Variants in GPR39 observed in about 807,000 individuals in gnomAD.
GPR39 encodes zinc sensing receptor.
Under a neutral mutation model 18.4 loss-of-function variants are expected in GPR39, and 23 were observed. That is an observed-to-expected ratio of 1.25 (90% CI 0.90 to 1.77). The LOEUF (loss-of-function observed/expected upper bound fraction) is 1.77. Among genes scored for constraint, GPR39 ranks in the 40% most tolerant of loss-of-function variants. The pLI is 0.00. For missense variants in GPR39, 647 were observed against 602.4 expected (o/e 1.07, Z -0.78); for synonymous variants, 280 against 257.9 (o/e 1.09, Z -0.82).
intron 1 of GPR39, among the ~76,000 whole-genome samples, chr2:132,563,712 TC>T (rs758661225): frequency 3.3e-4 from 50 of 152,310 alleles, no homozygotes; most frequent in Non-Finnish European, 5.1e-4. Context: ...CAGGCCTTAC[TC>T]CAAGCCAATT....
At chr2:132,588,698 G>A (rs573926548) in intron 1 of GPR39, among the ~76,000 whole-genome samples, 1 of 152,280 alleles carries the variant, frequency 6.6e-6, no homozygotes, top group South Asian at 2.1e-4. Flanking sequence ...ATGTTCCAGT[G>A]AACAAGGAAG....
At chr2:132,587,325 T>C (rs1680746565) in intron 1 of GPR39, among the ~76,000 whole-genome samples, 1 of 152,216 alleles carries the variant, frequency 6.6e-6, no homozygotes, top group Admixed American at 6.5e-5. Flanking sequence ...TCGCCATTTC[T>C]CCAGTTATTT....
At chr2:132,636,647 G>T (rs1419850493) in intron 1 of GPR39, among the ~76,000 whole-genome samples, 2 of 152,170 alleles carry the variant, frequency 1.3e-5, no homozygotes, top group Non-Finnish European at 1.5e-5. Flanking sequence ...ACTTCTCTGG[G>T]GATTCTGCTA....
chr2:132,434,197 G>A (rs1455680078), intron 1 of GPR39, among the ~76,000 whole-genome samples: 4 of 152,134 alleles, frequency 2.6e-5, no homozygotes, highest in Non-Finnish European at 1.5e-5. Context: ...AGAGAAGTGA[G>A]CATCAAGATT....
intron 1 of GPR39, among the ~76,000 whole-genome samples, chr2:132,513,737 G>A (rs541858381): frequency 6.6e-6 from 1 of 152,082 alleles, no homozygotes; most frequent in Admixed American, 6.5e-5. Context: ...TTTTTAGATG[G>A]GGTCACTCTG....
intron 1 of GPR39, among the ~76,000 whole-genome samples, chr2:132,425,260 A>G (rs1680096892): frequency 6.6e-6 from 1 of 152,156 alleles, no homozygotes; most frequent in Non-Finnish European, 1.5e-5. Flanking sequence ...CATCTTAGAC[A>G]TTTCTCAGAA....
chr2:132,634,102 GTGA>G (rs1681705012), intron 1 of GPR39, among the ~76,000 whole-genome samples: 2 of 144,890 alleles, frequency 1.4e-5, no homozygotes, highest in Non-Finnish European at 2.9e-5. Context: ...GTGATGGAGG[GTGA>G]TGATGATGGT....
chr2:132,500,708 C>T (rs1679013253), intron 1 of GPR39, among the ~76,000 whole-genome samples: 2 of 152,040 alleles, frequency 1.3e-5, no homozygotes, highest in African/African-American at 4.8e-5. Context: ...CTATCTAGTC[C>T]TGGACTTTTT....
intron 1 of GPR39, among the ~76,000 whole-genome samples, chr2:132,534,061 C>A (rs1360591340): frequency 6.6e-6 from 1 of 152,146 alleles, no homozygotes; most frequent in Non-Finnish European, 1.5e-5. Context: ...AGACAACCTA[C>A]AGAATGGGAG....
At chr2:132,437,458 G>A (rs928224689) in intron 1 of GPR39, among the ~76,000 whole-genome samples, 3 of 152,150 alleles carry the variant, frequency 2.0e-5, no homozygotes, top group Non-Finnish European at 4.4e-5. Flanking sequence ...GGGTCGTGGA[G>A]ACCAGAATGT....
At chr2:132,598,578 G>C (rs1224755711) in intron 1 of GPR39, among the ~76,000 whole-genome samples, 3 of 151,910 alleles carry the variant, frequency 2.0e-5, no homozygotes, top group Non-Finnish European at 2.9e-5. Flanking sequence ...CCTTGTTCTA[G>C]AGTTTAGGTT....
chr2:132,433,389 C>T (rs760337465), intron 1 of GPR39, among the ~76,000 whole-genome samples: 66 of 152,062 alleles, frequency 4.3e-4, no homozygotes, highest in African/African-American at 5.8e-4. Context: ...CTCTGTGTGA[C>T]GCTAATCATC....
In GPR39 at chr2:132,645,199, T is replaced by TG; in HGVS notation, c.955_956insG (p.Phe319CysfsTer88). On this transcript the variant is annotated frameshift_variant, in exon 2 of 2. Coordinates refer to ENST00000329321, the MANE Select transcript of GPR39 (RefSeq NM_001508.3). LOFTEE classifies it low-confidence loss of function (END_TRUNC). ...CAAGCACGACTGGACGAGGTCCTAC[T>TG]TCCGGGCGTACATGATCCTCCTCCC... 6.2e-7 allele frequency: 1 copy of TG among 1,614,188 alleles called. No homozygotes were observed. Among genetic ancestry groups the TG allele is most frequent in the Non-Finnish European group, 8.5e-7 (1 of 1,180,034 alleles).
At position 132,646,234 on chromosome 2, in the gene GPR39, G is replaced by A. The variant is rs1229206607; in HGVS notation, c.*628G>A. 7.6e-6 allele frequency: 12 copies of A among 1,586,086 alleles called. No homozygotes were observed. The highest frequency in any genetic ancestry group is 1.7e-5 in the Admixed American group (1 of 57,432). ...AGAAGGACTGGTACCCGGCAGAGGC[G>A]ATGAGACAGGCCGCTGATGATGCAC... On this transcript the variant is annotated 3_prime_UTR_variant, in exon 2 of 2. Transcript: ENST00000329321.
chr2:132,608,910 T>C (rs1339095527), intron 1 of GPR39, among the ~76,000 whole-genome samples: 4 of 152,168 alleles, frequency 2.6e-5, no homozygotes, highest in Admixed American at 2.0e-4. Context: ...GTTTTCATGA[T>C]TGATCTCTCA....
intron 1 of GPR39, among the ~76,000 whole-genome samples, chr2:132,551,103 T>G (rs1301615066): frequency 6.6e-6 from 1 of 152,160 alleles, no homozygotes; most frequent in Non-Finnish European, 1.5e-5. Context: ...ACAAGAATTC[T>G]GGAAGTAGGA....
intron 1 of GPR39, among the ~76,000 whole-genome samples, chr2:132,453,187 A>T (rs993849550): frequency 2.0e-4 from 31 of 152,256 alleles, no homozygotes; most frequent in Middle Eastern, 6.8e-3. Flanking sequence ...CTGATGTGAG[A>T]TGGTATCTCA....
chr2:132,455,090 G>A (rs1397583629), intron 1 of GPR39, among the ~76,000 whole-genome samples: 1 of 152,122 alleles, frequency 6.6e-6, no homozygotes, highest in Non-Finnish European at 1.5e-5. Context: ...GGTAGAATTC[G>A]GCTGTGAACC....
At chr2:132,462,098 T>C (rs1003440717) in intron 1 of GPR39, among the ~76,000 whole-genome samples, 3 of 152,220 alleles carry the variant, frequency 2.0e-5, no homozygotes, top group Non-Finnish European at 4.4e-5. Context: ...GAGGGACTCC[T>C]GGCCTAGGTT....
Sources: gnomAD v4.1 joint callset for allele counts (sites outside exome capture counted in the v4.1 genomes callset) on GRCh38, gnomAD v4.1.1 for gene constraint, MANE v1.5 for transcripts, NCBI Gene and HGNC (gene_info 2026-07-23, HGNC 2026-07-21) for gene names.